Variants in ATXN3 observed in about 807,000 individuals in gnomAD.
The protein encoded by ATXN3 is ataxin-3.
Under a neutral mutation model 58.2 loss-of-function variants are expected in ATXN3, and 28 were observed. The observed-to-expected ratio is 0.48, with a 90% confidence interval of 0.36 to 0.66. ATXN3 has a LOEUF of 0.66. Among genes scored for constraint, ATXN3 ranks in the 30% least tolerant of loss-of-function variants. The pLI is 0.00. For synonymous variants in ATXN3, 113 were observed against 138.5 expected, an observed-to-expected ratio of 0.82 and a Z score of 1.29; for missense variants, 321 against 422.1, an observed-to-expected ratio of 0.76 and a Z score of 2.10.
chr14:92,101,319 A>G (rs1371956799), intron 1 of ATXN3, among the ~76,000 whole-genome samples: 1 of 152,222 alleles, frequency 6.6e-6, no homozygotes, highest in Non-Finnish European at 1.5e-5. Context: ...TGACAGAGCA[A>G]CATCATGTCT....
intron 9 of ATXN3, among the ~76,000 whole-genome samples, chr14:92,079,749 T>C (rs1199118873): frequency 6.6e-6 from 1 of 152,236 alleles, no homozygotes; most frequent in African/African-American, 2.4e-5. Context: ...CTTTCTCTTT[T>C]TTTTTGAGAC....
At chr14:92,045,296 G>A (rs1362744651) in intron 2 of ATXN3, among the ~76,000 whole-genome samples, 1 of 152,152 alleles carries the variant, frequency 6.6e-6, no homozygotes. Flanking sequence ...CCAAGAGCCT[G>A]AGAAACTGCT....
At chr14:92,069,260 G>T (rs1180688025) in intron 10 of ATXN3, among the ~76,000 whole-genome samples, 1 of 150,512 alleles carries the variant, frequency 6.6e-6, no homozygotes, top group Non-Finnish European at 1.5e-5. Flanking sequence ...TAGTAGAGAT[G>T]GGGTTTCACC....
intron 9 of ATXN3, among the ~76,000 whole-genome samples, chr14:92,076,696 T>C (rs539615462): frequency 1.3e-5 from 2 of 151,880 alleles, no homozygotes; most frequent in South Asian, 2.1e-4. Context: ...TCCCAGAACT[T>C]TGGGAGGCCG....
intron 5 of ATXN3, among the ~76,000 whole-genome samples, chr14:92,092,845 T>A (rs1168273555): frequency 3.4e-5 from 5 of 145,724 alleles, no homozygotes; most frequent in Non-Finnish European, 7.5e-5. Context: ...TTTTTTTTTT[T>A]AATTTTTAAA....
At chr14:92,085,001 T>G (rs1224948640) in intron 6 of ATXN3, among the ~76,000 whole-genome samples, 5 of 152,176 alleles carry the variant, frequency 3.3e-5, no homozygotes, top group Admixed American at 6.5e-5. Flanking sequence ...ACATTTTTTA[T>G]GAGGACAACT....
chr14:92,054,102 A>G (rs912821242), downstream of ATXN3, among the ~76,000 whole-genome samples: 1 of 152,042 alleles, frequency 6.6e-6, no homozygotes, highest in African/African-American at 2.4e-5. Context: ...CGCCTGGCTA[A>G]TTTTTGTATT....
At chr14:92,089,228 A>C (rs2140957658) in intron 5 of ATXN3, among the ~76,000 whole-genome samples, 1 of 151,604 alleles carries the variant, frequency 6.6e-6, no homozygotes, top group East Asian at 1.9e-4. Context: ...CACATTGGCC[A>C]GGCTGGTCTC....
chr14:92,089,912 T>C (rs571628742), intron 5 of ATXN3, among the ~76,000 whole-genome samples: 2 of 152,134 alleles, frequency 1.3e-5, no homozygotes, highest in Non-Finnish European at 2.9e-5. Flanking sequence ...AGAGAATTTA[T>C]AATTACCAGC....
intron 1 of ATXN3, among the ~76,000 whole-genome samples, chr14:92,105,802 C>G (rs2068161415): frequency 6.6e-6 from 1 of 152,156 alleles, no homozygotes; most frequent in Non-Finnish European, 1.5e-5. Flanking sequence ...CAAAATCATC[C>G]CAGTCCACTC....
In ATXN3 at chr14:92,083,119, T is replaced by C. The variant is rs1357682931; in HGVS notation, c.608+7A>G. ...CATATATTCCATACTGCAGGCCTCA[T>C]TTTTACCTTTGCTCTTTTAGTTGTG... On this transcript the variant is annotated splice_region_variant and intron_variant, in intron 7 of 10. Coordinates refer to ENST00000644486, the MANE Select transcript of ATXN3 (RefSeq NM_004993.6). The C allele has an allele frequency of 6.2e-7, 1 of 1,606,926 alleles. No homozygotes were observed. Among genetic ancestry groups the C allele is most frequent in the Non-Finnish European group, 8.5e-7 (1 of 1,178,144 alleles).
At chr14:92,088,303 A>C (rs2063042082) in intron 6 of ATXN3, among the ~76,000 whole-genome samples, 1 of 152,160 alleles carries the variant, frequency 6.6e-6, no homozygotes, top group African/African-American at 2.4e-5. Flanking sequence ...ATCTCCTGAC[A>C]TCGTGATCCG....
Position 92,093,751 on chromosome 14 carries a change from A to G in ATXN3, c.315T>C (p.Asp105=), listed in dbSNP as rs2141064806. 1 of 1,597,432 alleles carries G rather than the reference A, an allele frequency of 6.3e-7. No individual in the cohort carries two copies. The highest frequency in any genetic ancestry group is 8.6e-7 in the Non-Finnish European group (1 of 1,169,476). Residue 105 remains aspartate, a synonymous_variant, in exon 4 of 11, where the codon GAT becomes GAC. Coordinates refer to ENST00000644486, the MANE Select transcript of ATXN3 (RefSeq NM_004993.6). ...AATGCAAAACAGAATCTTACATAGG[A>G]TCGATCCTGAGCCTCTGATACTCTG... ...NSPEYQRLRI[D]PINERSFICN...
At chr14:92,067,651 C>A (rs2058687188) in intron 10 of ATXN3, among the ~76,000 whole-genome samples, 1 of 152,242 alleles carries the variant, frequency 6.6e-6, no homozygotes, top group African/African-American at 2.4e-5. Flanking sequence ...CCCACCTTGG[C>A]CTCCCAAAGT....
In ATXN3 at chr14:92,064,568, A is replaced by G. The variant is rs150082297; in HGVS notation, c.992-154T>C. 6.0e-3 allele frequency among the ~76,000 whole-genome samples: 919 copies of G among 152,318 alleles called. 5 individuals are homozygous for G. The highest frequency in any genetic ancestry group is 0.01 in the Non-Finnish European group (703 of 68,028). ...GCAAAATTTACTTTTATAGTTCTATATATTTTGACAAATACACCATCAAGA... is the reference window on the plus strand; with the variant it reads ...GCAAAATTTACTTTTATAGTTCTATGTATTTTGACAAATACACCATCAAGA... On this transcript the variant is annotated intron_variant, in intron 10 of 10. Transcript: ENST00000644486.
chr14:92,069,009 A>T (rs1442826270), intron 10 of ATXN3, among the ~76,000 whole-genome samples: 1 of 152,076 alleles, frequency 6.6e-6, no homozygotes, highest in African/African-American at 2.4e-5. Context: ...CAGTTTGTGC[A>T]TTCATTAACT....
At chr14:92,097,933 TA>T (rs1448881720) in intron 1 of ATXN3, among the ~76,000 whole-genome samples, 1 of 152,198 alleles carries the variant, frequency 6.6e-6, no homozygotes, top group African/African-American at 2.4e-5. Flanking sequence ...AATCTACCAT[TA>T]ATGAAACTAT....
Position 92,064,411 on chromosome 14 carries a change from T to C in ATXN3, c.995A>G (p.Asp332Gly). The C allele has an allele frequency of 6.2e-7, 1 of 1,606,646 alleles. No individual in the cohort carries two copies. The highest frequency in any genetic ancestry group is 8.5e-7 in the Non-Finnish European group (1 of 1,175,742). The change falls in exon 11 of 11, where the codon GAT (aspartate) becomes GGT (glycine). Residue 332 changes from aspartate (D) to glycine (G), a missense_variant. Coordinates refer to ENST00000644486, the MANE Select transcript of ATXN3 (RefSeq NM_004993.6). ...SSGALGSDLG[D>G]AMSEEDMLQA... is the part of the protein sequence containing the mutation. ...AAGCATGTCTTCTTCACTCATAGCA[T>C]CACCTGTTGGGAAACAAAACCACAT...
rs1010738305 is a variant in ATXN3 at position 92,096,073 on chromosome 14, A to T, written c.234+20T>A. The T allele has an allele frequency of 1.3e-6, 2 of 1,546,738 alleles. No homozygotes were observed. Among genetic ancestry groups the T allele is most frequent in the Admixed American group, 1.7e-5 (1 of 59,726 alleles). On this transcript the variant is annotated intron_variant, in intron 3 of 10. Coordinates refer to ENST00000644486, the MANE Select transcript of ATXN3 (RefSeq NM_004993.6). ...GCCTGGGATGTAAGCAACACATAGTACATGCTTGTGACTACTTACCTGAAT... is the reference window on the plus strand; with the variant it reads ...GCCTGGGATGTAAGCAACACATAGTTCATGCTTGTGACTACTTACCTGAAT...
Sources: allele counts gnomAD v4.1 joint callset (sites outside exome capture counted in the v4.1 genomes callset), GRCh38; gene constraint gnomAD v4.1.1; transcripts MANE v1.5; gene names NCBI Gene and HGNC (gene_info 2026-07-23, HGNC 2026-07-21).